The following GPHN variants were observed in gnomAD, a reference collection of about 807,000 sequenced individuals.
GPHN encodes gephyrin.
GPHN carries 17 observed loss-of-function variants against 95.5 expected under a neutral mutation model. The observed-to-expected ratio is 0.18, with a 90% CI of 0.12 to 0.27. The LOEUF is 0.27. Ranked by LOEUF, GPHN falls within the 10% of genes least tolerant of loss-of-function variation. GPHN has a pLI of 1.00. For synonymous variants in GPHN, 320 were observed against 322.5 expected (o/e 0.99, Z 0.08); for missense variants, 660 against 978.1 (o/e 0.67, Z 4.34).
chr14:67,559,748 C>A, the GPHN span: 1 of 1,184,362 alleles, frequency 8.4e-7, no homozygotes. Flanking sequence ...CCTGCCCTGA[C>A]CCCCGGAGTT....
At chr14:67,104,674 T>A (rs1383486565) in intron 13 of GPHN, among the ~76,000 whole-genome samples, 1 of 152,180 alleles carries the variant, frequency 6.6e-6, no homozygotes, top group African/African-American at 2.4e-5. Context: ...TAATGACCCT[T>A]TGTATTTCTG....
At chr14:66,547,717 A>G (rs989259862) in intron 1 of GPHN, among the ~76,000 whole-genome samples, 1 of 152,222 alleles carries the variant, frequency 6.6e-6, no homozygotes, top group Admixed American at 6.5e-5. Flanking sequence ...TCATTCTGGT[A>G]AGACAAGGAA....
chr14:67,632,889 C>T, the GPHN span, among the ~76,000 whole-genome samples: 5 of 133,232 alleles, frequency 3.8e-5, no homozygotes, highest in Admixed American at 8.5e-5. Context: ...GGCGTGATCT[C>T]GGCTCACTGC....
intron 4 of GPHN, chr14:66,842,587 C>T: frequency 1.2e-6 from 1 of 851,802 alleles, no homozygotes; most frequent in Non-Finnish European, 1.9e-6. Context: ...GTTCTTATTT[C>T]CCTGAACCAG....
At chr14:66,686,634 C>G (rs2067379250) in intron 2 of GPHN, among the ~76,000 whole-genome samples, 1 of 143,474 alleles carries the variant, frequency 7.0e-6, no homozygotes, top group South Asian at 2.1e-4. Context: ...TGCTTACCAG[C>G]TTAAGGAGAA....
At chr14:67,674,362 AC>A in the GPHN span, 1 of 1,571,506 alleles carries the variant, frequency 6.4e-7, no homozygotes, top group Non-Finnish European at 8.6e-7. Flanking sequence ...GGCGTGGCCC[AC>A]CCCCGCCTCA....
chr14:66,699,751 G>C (rs1005791170), intron 2 of GPHN, among the ~76,000 whole-genome samples: 11 of 152,154 alleles, frequency 7.2e-5, no homozygotes, highest in African/African-American at 2.7e-4. Flanking sequence ...GAGAGAGAAA[G>C]GCTAAGATAA....
chr14:67,370,240 A>G, the GPHN span, among the ~76,000 whole-genome samples: 1 of 152,224 alleles, frequency 6.6e-6, no homozygotes, highest in Non-Finnish European at 1.5e-5. Flanking sequence ...CGTTAGGACC[A>G]TTATGGACAT....
At chr14:66,780,605 G>A (rs1372246253) in intron 3 of GPHN, among the ~76,000 whole-genome samples, 1 of 151,494 alleles carries the variant, frequency 6.6e-6, no homozygotes, top group East Asian at 1.9e-4. Context: ...AAAAAAGCAG[G>A]ATTCATGGAT....
chr14:67,549,583 T>C, the GPHN span, among the ~76,000 whole-genome samples: 2 of 152,206 alleles, frequency 1.3e-5, no homozygotes, highest in Non-Finnish European at 2.9e-5. Flanking sequence ...AAATTGCTTT[T>C]CTAACCCTCT....
the GPHN span, chr14:67,685,221 T>C: frequency 4.2e-5 from 68 of 1,604,646 alleles, no homozygotes; most frequent in African/African-American, 5.4e-5. Flanking sequence ...GGGGGTGGCA[T>C]GAAGAGAGGG....
intron 1 of GPHN, among the ~76,000 whole-genome samples, chr14:66,640,675 G>A (rs2153352849): frequency 6.6e-6 from 1 of 152,184 alleles, no homozygotes; most frequent in East Asian, 1.9e-4. Flanking sequence ...ATTTAATACA[G>A]GCTTTCAAGT....
chr14:66,855,792 G>T (rs920519143), intron 4 of GPHN, among the ~76,000 whole-genome samples: 2 of 151,860 alleles, frequency 1.3e-5, no homozygotes, highest in African/African-American at 4.8e-5. Context: ...GTTCATTTTT[G>T]TATGTGGTGT....
At chr14:67,223,755 T>C in the GPHN span, 73 of 984,994 alleles carry the variant, frequency 7.4e-5, no homozygotes, top group Non-Finnish European at 8.8e-5. Flanking sequence ...TTACTTAGGC[T>C]TGTATAGTTT....
intron 8 of GPHN, among the ~76,000 whole-genome samples, chr14:66,939,785 G>A (rs1174704891): frequency 6.6e-6 from 1 of 152,150 alleles, no homozygotes; most frequent in East Asian, 1.9e-4. Flanking sequence ...CTGGTAAGGG[G>A]CACTGTTTTG....
intron 1 of GPHN, among the ~76,000 whole-genome samples, chr14:66,607,369 C>T (rs765436389): frequency 1.6e-4 from 24 of 151,168 alleles, no homozygotes; most frequent in East Asian, 1.9e-4. Flanking sequence ...GGATTCATTT[C>T]GCTAGTTTTT....
chr14:67,572,982 G>A, the GPHN span, among the ~76,000 whole-genome samples: 1 of 152,146 alleles, frequency 6.6e-6, no homozygotes, highest in Non-Finnish European at 1.5e-5. Context: ...CTCTCCTGAC[G>A]CTCTCCCTGG....
chr14:66,974,199 A>G (rs940154512), intron 9 of GPHN, among the ~76,000 whole-genome samples: 1 of 152,184 alleles, frequency 6.6e-6, no homozygotes, highest in Non-Finnish European at 1.5e-5. Context: ...GAAAGGCACT[A>G]CCTAGTATGG....
At chr14:66,889,865 T>G (rs1169518047) in intron 5 of GPHN, among the ~76,000 whole-genome samples, 1 of 151,814 alleles carries the variant, frequency 6.6e-6, no homozygotes, top group African/African-American at 2.4e-5. Flanking sequence ...TCACAAAATT[T>G]TAGCTAGATA....
Sources: gnomAD v4.1 joint callset for allele counts (sites outside exome capture counted in the v4.1 genomes callset) on GRCh38, gnomAD v4.1.1 for gene constraint, MANE v1.5 for transcripts, NCBI Gene and HGNC (gene_info 2026-07-23, HGNC 2026-07-21) for gene names.